PRKD1: variants seen among roughly 807,000 people sequenced by gnomAD.
The protein encoded by PRKD1 is protein kinase D1, also known as serine/threonine-protein kinase D1.
Under a neutral mutation model 95.9 loss-of-function variants are expected in PRKD1, and 63 were observed. The ratio of observed to expected loss-of-function variants is 0.66; its 90% CI spans 0.54 to 0.81. The LOEUF is 0.81. Among genes scored for constraint, PRKD1 ranks in the 30% least tolerant of loss-of-function variants. PRKD1 has a pLI of 0.00. For missense variants in PRKD1, 1,048 were observed against 1,165.3 expected (o/e 0.90, Z 1.47); for synonymous variants, 425 against 423.1 (o/e 1.00, Z -0.05).
At chr14:29,634,677 T>C in intron 7 of PRKD1, 136 bp from the exon 8 acceptor site, 1 of 1,182,908 alleles carries the variant, frequency 8.5e-7, no homozygotes, top group East Asian at 2.4e-5. Context: ...AAACGTATTG[T>C]CAGGCACCAT....
chr14:29,716,519 T>C (rs914593631), intron 2 of PRKD1, among the ~76,000 whole-genome samples: 4 of 152,122 alleles, frequency 2.6e-5, no homozygotes, highest in Non-Finnish European at 5.9e-5. Flanking sequence ...TCAATCCTCT[T>C]TCCTTCCAGA....
At chr14:29,779,998 T>C (rs1373753615) in intron 1 of PRKD1, among the ~76,000 whole-genome samples, 1 of 152,126 alleles carries the variant, frequency 6.6e-6, no homozygotes, top group Non-Finnish European at 1.5e-5. Context: ...TCTACAACCA[T>C]CTGATCTTTG....
intron 1 of PRKD1, among the ~76,000 whole-genome samples, chr14:29,817,251 C>T (rs774243184): frequency 6.6e-6 from 1 of 152,154 alleles, no homozygotes; most frequent in Non-Finnish European, 1.5e-5. Flanking sequence ...CCCATTGGCA[C>T]ATAAATATAT....
intron 1 of PRKD1, among the ~76,000 whole-genome samples, chr14:29,847,892 C>A (rs551454442): frequency 6.6e-6 from 1 of 152,166 alleles, no homozygotes; most frequent in Middle Eastern, 3.4e-3. Context: ...CCCCACCAAC[C>A]TTTCACTCTC....
At chr14:29,752,621 T>C (rs1175373256) in intron 1 of PRKD1, among the ~76,000 whole-genome samples, 3 of 151,458 alleles carry the variant, frequency 2.0e-5, no homozygotes, top group African/African-American at 7.3e-5. Flanking sequence ...CAATTAGAAA[T>C]AGGAATCAGA....
intron 1 of PRKD1, among the ~76,000 whole-genome samples, chr14:29,881,360 C>A (rs370942880): frequency 1.2e-4 from 18 of 152,222 alleles, no homozygotes; most frequent in African/African-American, 4.1e-4. Context: ...GAGCCTTTCA[C>A]CTCCCACCAT....
chr14:29,784,491 C>A (rs1426850485), intron 1 of PRKD1, among the ~76,000 whole-genome samples: 2 of 152,112 alleles, frequency 1.3e-5, no homozygotes, highest in Non-Finnish European at 1.5e-5. Context: ...GTAGTATGGT[C>A]ATTTTAATAA....
chr14:29,746,810 C>T (rs1887244798), intron 1 of PRKD1, among the ~76,000 whole-genome samples: 1 of 152,114 alleles, frequency 6.6e-6, no homozygotes, highest in African/African-American at 2.4e-5. Flanking sequence ...AATATAACTT[C>T]CTTTCTCAGT....
chr14:29,824,037 G>T (rs916631823), intron 1 of PRKD1, among the ~76,000 whole-genome samples: 1 of 152,098 alleles, frequency 6.6e-6, no homozygotes. Context: ...ATTAGAATAC[G>T]CACAGTTGGA....
intron 4 of PRKD1, among the ~76,000 whole-genome samples, chr14:29,643,278 G>C (rs1359667774): frequency 1.3e-5 from 2 of 152,098 alleles, no homozygotes; most frequent in Non-Finnish European, 2.9e-5. Flanking sequence ...AGAAGTGTAA[G>C]AGTTAACACA....
chr14:29,588,725 A>G (rs1344361855), intron 16 of PRKD1, among the ~76,000 whole-genome samples: 2 of 151,984 alleles, frequency 1.3e-5, no homozygotes, highest in African/African-American at 4.8e-5. Context: ...TCAGTGCACT[A>G]AAGGCAAAAT....
intron 1 of PRKD1, among the ~76,000 whole-genome samples, chr14:29,826,676 T>TATATATACACATATATATATACAC (rs1566622279): frequency 7.0e-5 from 5 of 71,844 alleles, no homozygotes; most frequent in East Asian, 5.2e-4. Context: ...TATATGTGTA[T>TATATATACACATATATATATACAC]ATATATATAC....
intron 4 of PRKD1, among the ~76,000 whole-genome samples, chr14:29,655,590 A>C (rs1881785295): frequency 6.6e-6 from 1 of 152,220 alleles, no homozygotes; most frequent in African/African-American, 2.4e-5. Context: ...GACCAAAACA[A>C]ACCATCACAA....
At chr14:29,689,465 C>T (rs200912664) in intron 2 of PRKD1, among the ~76,000 whole-genome samples, 2 of 151,806 alleles carry the variant, frequency 1.3e-5, no homozygotes, top group African/African-American at 4.8e-5. Context: ...ACAACAACAA[C>T]AAAAAAACAA....
chr14:29,740,885 A>G (rs1489123732), intron 1 of PRKD1, among the ~76,000 whole-genome samples: 1 of 152,236 alleles, frequency 6.6e-6, no homozygotes, highest in Non-Finnish European at 1.5e-5. Context: ...TGGATTTTTA[A>G]AAATGTGGTA....
chr14:29,629,727 T>C (rs1054669671), intron 10 of PRKD1, among the ~76,000 whole-genome samples: 1 of 152,088 alleles, frequency 6.6e-6, no homozygotes, highest in African/African-American at 2.4e-5. Context: ...TGAATCTAGG[T>C]TGCATTTTAG....
rs1893412957 is a variant in PRKD1 at position 29,598,987 on chromosome 14, T to C, written c.2166+40A>G. 4 of 1,522,346 alleles carry C rather than the reference T, an allele frequency of 2.6e-6. No homozygotes were observed. The East Asian group carries it at 9.0e-5, about 34-fold the overall frequency. 94.3% of individuals were successfully genotyped at this position (1,522,346 alleles called of 1,614,324 possible). A position where few individuals can be genotyped will look rare whatever the true frequency, so the allele number is the denominator to read the frequency against. On this transcript the variant is annotated intron_variant, in intron 15 of 17. Transcript: ENST00000331968. ...GATGCTACATGGAAGCTAGCAATGC[T>C]TCCAACTGGCTTTTTGCTGAGAGAG... is the stretch of plus-strand genomic sequence containing the variant.
At chr14:29,670,520 T>G (rs1882779744) in intron 2 of PRKD1, among the ~76,000 whole-genome samples, 1 of 152,226 alleles carries the variant, frequency 6.6e-6, no homozygotes, top group African/African-American at 2.4e-5. Flanking sequence ...TTACAATTAT[T>G]GTGGGTTCTT....
At chr14:29,686,588 C>T (rs1401746529) in intron 2 of PRKD1, among the ~76,000 whole-genome samples, 2 of 152,178 alleles carry the variant, frequency 1.3e-5, no homozygotes, top group Admixed American at 6.5e-5. Flanking sequence ...GATACACGTT[C>T]TACTCTAAAG....
Sources: gnomAD v4.1 joint callset for allele counts (sites outside exome capture counted in the v4.1 genomes callset) on GRCh38, gnomAD v4.1.1 for gene constraint, MANE v1.5 for transcripts, NCBI Gene and HGNC (gene_info 2026-07-23, HGNC 2026-07-21) for gene names.